The following MED13 variants were observed in gnomAD, a reference collection of about 807,000 sequenced individuals.
MED13 encodes mediator complex subunit 13.
A neutral mutation model predicts 225.2 loss-of-function variants in MED13; 23 were observed. The ratio of observed to expected loss-of-function variants is 0.10; its 90% CI spans 0.07 to 0.14. The LOEUF (loss-of-function observed/expected upper bound fraction) is 0.14, where lower values mean the gene tolerates loss of function less well. MED13 is among the 10% of genes least tolerant of loss of function. The pLI, the probability that MED13 is intolerant of heterozygous loss-of-function variation, is 1.00. For synonymous variants in MED13, 942 were observed against 889.2 expected (o/e 1.06, Z -1.06); for missense variants, 2,197 against 2,594.5 (o/e 0.85, Z 3.33).
Position 62,063,224 on chromosome 17 carries a change from T to G in MED13, c.144A>C (p.Thr48=), listed in dbSNP as rs1365293645. 1 of 1,614,196 alleles carries G rather than the reference T, an allele frequency of 6.2e-7. No homozygotes were observed. The highest frequency in any genetic ancestry group is 2.2e-5 in the East Asian group (1 of 44,882). ...AACTGCTCAAAATGGGGTCTTCTTC[T>G]GTCACAGGAAACAGAATAGGGGCAG... ...PTSAPILFPV[T]EEDPILSSFS... is the part of the protein sequence containing the mutation. Residue 48 remains threonine (T), a synonymous_variant, in exon 2 of 30, where the codon ACA becomes ACC. Coordinates refer to ENST00000397786, the MANE Select transcript of MED13 (RefSeq NM_005121.3).
At chr17:62,005,365 G>C (rs1174461850) in intron 9 of MED13, 1 of 152,110 alleles carries the variant, frequency 6.6e-6, no homozygotes, top group African/African-American at 2.4e-5. Flanking sequence ...CAGCACTTGG[G>C]GAGGCTGACA....
rs193212160 is a variant in MED13, at chr17:62,029,529, G to A, written c.1283+12C>T. 49 of 1,604,266 alleles carry A rather than the reference G, an allele frequency of 3.1e-5. No individual in the cohort carries two copies. In the African/African-American group the frequency reaches 6.4e-4, roughly 21 times the overall value. On this transcript the variant is annotated intron_variant, in intron 8 of 29. Transcript: ENST00000397786. ...TCACACATAGGCATCAATCGATCGG[G>A]AAATAATCTACCTCAAACAACTGCA...
At chr17:62,013,962 C>G (rs770372948) in intron 8 of MED13, among the ~76,000 whole-genome samples, 10 of 152,020 alleles carry the variant, frequency 6.6e-5, no homozygotes, top group Non-Finnish European at 1.3e-4. Context: ...TCGCTTCAAC[C>G]CAGGAGGTGG....
rs767314131 is a variant in MED13, at chr17:61,984,240, C to T, written c.2819G>A (p.Arg940His). The change falls in exon 15 of 30, where the codon CGT becomes CAT. Residue 940 changes from arginine to histidine, a missense_variant. Arg to His is a conservative substitution (Grantham distance 29). Transcript: ENST00000397786. ...CAATTTTCCAACAGTCCAACTCTGA[C>T]GGTAAATACACTCTTCTGGCAATTT... ...PIKLPEECIYRQSWTVGKLEL... is the reference protein window; with the variant it reads ...PIKLPEECIYHQSWTVGKLEL... The T allele has an allele frequency of 1.1e-5, 17 of 1,609,752 alleles. No individual in the cohort carries two copies. The highest frequency in any genetic ancestry group is 4.5e-5 in the East Asian group (2 of 44,634).
chr17:62,042,026 A>G (rs1368478498), intron 3 of MED13, among the ~76,000 whole-genome samples: 1 of 152,174 alleles, frequency 6.6e-6, no homozygotes, highest in Non-Finnish European at 1.5e-5. Context: ...AATTTTTTGT[A>G]AGCTCTCCAG....
At chr17:61,990,328 T>C (rs2080285007) in intron 11 of MED13, among the ~76,000 whole-genome samples, 1 of 151,782 alleles carries the variant, frequency 6.6e-6, no homozygotes, top group African/African-American at 2.4e-5. Context: ...ATATACACAC[T>C]CACACATATA....
chr17:61,961,391 A>G (rs1414046351), intron 22 of MED13, among the ~76,000 whole-genome samples, 197 bp downstream of exon 22: 1 of 151,944 alleles, frequency 6.6e-6, no homozygotes, highest in African/African-American at 2.4e-5. Flanking sequence ...AAGGTGGCGC[A>G]TGCCTGTAAT....
intron 17 of MED13, among the ~76,000 whole-genome samples, chr17:61,972,223 A>G (rs1302828889): frequency 2.0e-5 from 3 of 152,164 alleles, no homozygotes; most frequent in Non-Finnish European, 4.4e-5. Flanking sequence ...TTGGAATGGC[A>G]TTTTCATCAC....
intron 16 of MED13, among the ~76,000 whole-genome samples, chr17:61,974,125 G>A (rs948411036): frequency 6.6e-6 from 1 of 152,080 alleles, no homozygotes; most frequent in Non-Finnish European, 1.5e-5. Context: ...AAATGCTAAC[G>A]GGCCGGGCTT....
intron 29 of MED13, 48 bp from the exon 30 acceptor site, chr17:61,946,648 G>C: frequency 5.0e-6 from 8 of 1,596,254 alleles, no homozygotes; most frequent in Non-Finnish European, 6.8e-6. Context: ...TTCCAACCTA[G>C]ATTTTGGAAG....
chr17:61,979,172 C>T (rs1277042311), intron 16 of MED13, among the ~76,000 whole-genome samples: 2 of 152,136 alleles, frequency 1.3e-5, no homozygotes, highest in Non-Finnish European at 2.9e-5. Flanking sequence ...TATATGTAAT[C>T]TTCTGGGACT....
chr17:62,060,584 C>T (rs772817456), intron 2 of MED13, among the ~76,000 whole-genome samples: 5 of 147,644 alleles, frequency 3.4e-5, no homozygotes, highest in Non-Finnish European at 4.5e-5. Flanking sequence ...CTCCACTGCA[C>T]TCAGAGAGCG....
At chr17:62,029,496 A>C (rs1187149127) in intron 8 of MED13, 45 bp downstream of exon 8, 35 of 1,439,358 alleles carry the variant, frequency 2.4e-5, no homozygotes, top group Non-Finnish European at 3.4e-5. Context: ...CAGTGGCGTA[A>C]CAAACTATCA....
chr17:61,957,195 C>G (rs192202560), intron 23 of MED13, among the ~76,000 whole-genome samples: 145 of 151,764 alleles, frequency 9.6e-4, no homozygotes, highest in African/African-American at 3.4e-3. Context: ...TACAGGCACA[C>G]ACCACCACGT....
At chr17:61,980,421 G>A (rs1385268830) in intron 16 of MED13, among the ~76,000 whole-genome samples, 1 of 151,940 alleles carries the variant, frequency 6.6e-6, no homozygotes, top group African/African-American at 2.4e-5. Context: ...TCTATCTCCA[G>A]ACCCAATCAT....
chr17:62,028,968 C>G (rs1392482910), intron 8 of MED13, among the ~76,000 whole-genome samples: 3 of 152,050 alleles, frequency 2.0e-5, no homozygotes, highest in Non-Finnish European at 4.4e-5. Flanking sequence ...TAAGCCTGGA[C>G]AACATACCAA....
At chr17:61,975,972 C>T (rs749874283) in intron 16 of MED13, among the ~76,000 whole-genome samples, 10 of 151,928 alleles carry the variant, frequency 6.6e-5, no homozygotes, top group African/African-American at 7.3e-5. Context: ...GCCAAGATTG[C>T]GCCACTGCAC....
chr17:61,980,138 G>A (rs12952634), intron 16 of MED13, among the ~76,000 whole-genome samples: 37 of 152,186 alleles, frequency 2.4e-4, no homozygotes, highest in African/African-American at 8.7e-4. Context: ...GCAGTGGGCC[G>A]AGATCACGCC....
At chr17:62,053,658 T>C (rs929337855) in intron 2 of MED13, among the ~76,000 whole-genome samples, 3 of 152,232 alleles carry the variant, frequency 2.0e-5, no homozygotes, top group African/African-American at 4.8e-5. Context: ...ATAGCCTATA[T>C]ACCTTTATAA....
Sources: gnomAD v4.1 joint callset for allele counts (sites outside exome capture counted in the v4.1 genomes callset) on GRCh38, gnomAD v4.1.1 for gene constraint, MANE v1.5 for transcripts, NCBI Gene and HGNC (gene_info 2026-07-23, HGNC 2026-07-21) for gene names.